Variants in THAP10 observed in about 807,000 individuals in gnomAD.
THAP10 encodes THAP domain containing 10, also known as THAP domain-containing protein 10.
A neutral mutation model predicts 15.7 loss-of-function variants in THAP10; 10 were observed. The observed-to-expected ratio is 0.64, with a 90% CI of 0.39 to 1.08. The LOEUF (loss-of-function observed/expected upper bound fraction) is 1.08. Ranked by LOEUF, THAP10 falls within the 50% of genes least tolerant of loss-of-function variation. The pLI, the probability that THAP10 is intolerant of heterozygous loss-of-function variation, is 0.01. For synonymous variants in THAP10, 127 were observed against 129.1 expected (o/e 0.98, Z 0.11); for missense variants, 310 against 330.9 (o/e 0.94, Z 0.49).
At chr15:70,882,942 A>C (rs951391094) in intron 1 of THAP10, 34 bp from the exon 2 acceptor site, 52 of 1,611,266 alleles carry the variant, frequency 3.2e-5, no homozygotes, top group Non-Finnish European at 4.1e-5. Flanking sequence ...AACATATTAA[A>C]GTGTACCTTA....
rs2033290802 is a variant in THAP10 at position 70,882,589 on chromosome 15, C to T, written c.639G>A (p.Glu213=). ...KRLCNATTQT[E]ELWSRTSSLF... ...GAGAGGAAGTTCTAGACCACAATTC[C>T]TCTGTCTGAGTAGTTGCATTACACA... The change falls in exon 3 of 3, where the codon GAG becomes GAA. Residue 213 remains glutamate (E), a synonymous_variant. Transcript: ENST00000249861. 1.9e-6 allele frequency: 3 copies of T among 1,614,018 alleles called. No homozygotes were observed. The highest frequency in any genetic ancestry group is 2.5e-6 in the Non-Finnish European group (3 of 1,179,938).
In THAP10 at chr15:70,891,121, G is replaced by A. The variant is rs3809561; in HGVS notation, c.429+723C>T. ...GCTATAATTTAATCTGTGTAATGGTGGCAAGGCTGAAGTTTATCACAAGGA... is the reference window on the plus strand; with the variant it reads ...GCTATAATTTAATCTGTGTAATGGTAGCAAGGCTGAAGTTTATCACAAGGA... On this transcript the variant is annotated intron_variant, in intron 1 of 2. Transcript: ENST00000249861. Among the ~76,000 whole-genome samples, 12 of 152,164 alleles carry A rather than the reference G, an allele frequency of 7.9e-5. No individual in the cohort carries two copies. In the East Asian group the frequency reaches 2.3e-3, roughly 29 times the overall value.
rs545726287 is a variant in THAP10 at position 70,891,668 on chromosome 15, C to A, written c.429+176G>T. Among the ~76,000 whole-genome samples, 19 of 148,244 alleles carry A rather than the reference C, an allele frequency of 1.3e-4. 1 individual carries two copies. The South Asian group carries it at 4.1e-3, about 32-fold the overall frequency. On this transcript the variant is annotated intron_variant, in intron 1 of 2. Transcript: ENST00000249861. The stretch of plus-strand genomic sequence containing the variant: ...AAGGAATTAACTGGGTCACTTAATT[C>A]CAAAGTGTTAATGATAAGTGGGACC...
At position 70,886,147 on chromosome 15, in the gene THAP10, C is replaced by T. The variant is rs546442884; in HGVS notation, c.430-3239G>A. ...TACTAAATAATAAAAATACTGCATA[C>T]CTAAAACTTGTAAGATTCAGTAAAG... On this transcript the variant is annotated intron_variant, in intron 1 of 2. Coordinates refer to ENST00000249861, the MANE Select transcript of THAP10 (RefSeq NM_020147.4). Among the ~76,000 whole-genome samples the T allele has an allele frequency of 1.4e-4, 22 of 152,190 alleles. No individual in the cohort carries two copies. The East Asian group carries it at 4.2e-3, about 29-fold the overall frequency.
Position 70,881,702 on chromosome 15 carries a change from CA to C in THAP10, c.*751del, listed in dbSNP as rs1432850323. Reference sequence around the variant, plus strand: ...TGACAGAAAAAATACCTAACACCTGCAATGGGAATACGTTAGAAATGTAGTA... The same window carrying C: ...TGACAGAAAAAATACCTAACACCTGCATGGGAATACGTTAGAAATGTAGTA... On this transcript the variant is annotated 3_prime_UTR_variant, in exon 3 of 3. Transcript: ENST00000249861. 7 of 152,092 alleles carry C rather than the reference CA, an allele frequency of 4.6e-5. No homozygotes were observed. Among genetic ancestry groups the C allele is most frequent in the Non-Finnish European group, 8.8e-5 (6 of 68,010 alleles). The allele number at this position is 152,092 out of a possible 1,614,324, so 9.4% of individuals were successfully genotyped here.
Position 70,882,478 on chromosome 15 carries a change from T to TA in THAP10, c.749dup (p.Gln251ThrfsTer16), listed in dbSNP as rs1166402034. 6.2e-7 allele frequency: 1 copy of TA among 1,613,066 alleles called. No homozygotes were observed. The highest frequency in any genetic ancestry group is 1.7e-5 in the Admixed American group (1 of 59,990). On this transcript the variant is annotated frameshift_variant, in exon 3 of 3. Coordinates refer to ENST00000249861, the MANE Select transcript of THAP10 (RefSeq NM_020147.4). LOFTEE classifies it high-confidence loss of function. ...TTTAACATGTTTCTTCTTTCACCTG[T>TA]ACAGCCATATAAGACAAATCACTCT...
chr15:70,883,263 C>CA (rs201694002), intron 1 of THAP10, among the ~76,000 whole-genome samples: 3,988 of 152,086 alleles, frequency 0.026, 178 homozygotes, highest in African/African-American at 0.091. Context: ...GCCATCTCGG[C>CA]TCACTGCAAT....
Position 70,892,292 on chromosome 15 carries a change from C to T in THAP10, c.-20G>A, listed in dbSNP as rs930415884. On this transcript the variant is annotated 5_prime_UTR_variant, in exon 1 of 3. Coordinates refer to ENST00000249861, the MANE Select transcript of THAP10 (RefSeq NM_020147.4). The stretch of plus-strand genomic sequence containing the variant: ...CGGCATGGCGGCCGTCTTCGGTGCG[C>T]GGGAGCCGGGTTCCCTGGACCTTCG... The T allele has an allele frequency of 6.4e-7, 1 of 1,552,116 alleles. No homozygotes were observed. Among genetic ancestry groups the T allele is most frequent in the Non-Finnish European group, 8.7e-7 (1 of 1,147,574 alleles).
intron 1 of THAP10, among the ~76,000 whole-genome samples, chr15:70,887,381 C>T (rs2033438590): frequency 6.6e-6 from 1 of 152,036 alleles, no homozygotes; most frequent in Non-Finnish European, 1.5e-5. Flanking sequence ...TTTATTTTAG[C>T]TAATATTTTA....
intron 1 of THAP10, among the ~76,000 whole-genome samples, chr15:70,883,993 A>G: frequency 6.6e-6 from 1 of 152,100 alleles, no homozygotes; most frequent in East Asian, 1.9e-4. Context: ...TATGGGTGAG[A>G]GGTAGAAAGA....
rs139121269 is a variant in THAP10, at chr15:70,892,316, C to A, written c.-44G>T. The A allele has an allele frequency of 2.5e-5, 39 of 1,550,156 alleles. No homozygotes were observed. The highest frequency in any genetic ancestry group is 1.2e-4 in the Admixed American group (6 of 51,040). ...GCGGGAGCCGGGTTCCCTGGACCTTCGCCCTTGGGCACGCTCCTCGCAGCG... is the reference window on the plus strand; with the variant it reads ...GCGGGAGCCGGGTTCCCTGGACCTTAGCCCTTGGGCACGCTCCTCGCAGCG... On this transcript the variant is annotated 5_prime_UTR_variant, in exon 1 of 3. Coordinates refer to ENST00000249861, the MANE Select transcript of THAP10 (RefSeq NM_020147.4).
intron 1 of THAP10, among the ~76,000 whole-genome samples, chr15:70,891,349 G>A (rs2033556204): frequency 6.6e-6 from 1 of 152,060 alleles, no homozygotes; most frequent in Non-Finnish European, 1.5e-5. Flanking sequence ...GGTGGGAAGG[G>A]ATTTATTAGC....
chr15:70,889,757 A>C (rs962623879), intron 1 of THAP10, among the ~76,000 whole-genome samples: 1 of 152,200 alleles, frequency 6.6e-6, no homozygotes, highest in South Asian at 2.1e-4. Flanking sequence ...TGTCTACAAT[A>C]GCTCTTCAAT....
rs181381333 is a variant in THAP10 at position 70,881,696 on chromosome 15, C to T, written c.*758G>A. 21 of 152,284 alleles carry T rather than the reference C, an allele frequency of 1.4e-4. No individual in the cohort carries two copies. Among genetic ancestry groups the T allele is most frequent in the African/African-American group, 4.8e-4 (20 of 41,562 alleles). The allele number at this position is 152,284 out of a possible 1,614,324, so 9.4% of individuals were successfully genotyped here. The stretch of plus-strand genomic sequence containing the variant: ...AGGTGTTGACAGAAAAAATACCTAA[C>T]ACCTGCAATGGGAATACGTTAGAAA... On this transcript the variant is annotated 3_prime_UTR_variant, in exon 3 of 3. Transcript: ENST00000249861.
chr15:70,891,610 TGTGTGTGTGA>T (rs1367911934), intron 1 of THAP10, among the ~76,000 whole-genome samples: 1 of 105,242 alleles, frequency 9.5e-6, no homozygotes, highest in East Asian at 3.5e-4. Flanking sequence ...TGTGTGTGTG[TGTGTGTGTGA>T]GTTTTGGGGG....
chr15:70,884,914 T>C (rs138381434), intron 1 of THAP10, among the ~76,000 whole-genome samples: 7 of 152,292 alleles, frequency 4.6e-5, no homozygotes, highest in Non-Finnish European at 1.0e-4. Flanking sequence ...ATGTTGTCTT[T>C]TTATGTGTAT....
chr15:70,885,590 T>C (rs181254295), intron 1 of THAP10, among the ~76,000 whole-genome samples: 3 of 152,334 alleles, frequency 2.0e-5, no homozygotes, highest in Admixed American at 6.5e-5. Flanking sequence ...ACAGATGTAC[T>C]ATGCAAACAC....
chr15:70,885,595 A>C (rs2033385423), intron 1 of THAP10, among the ~76,000 whole-genome samples: 1 of 152,194 alleles, frequency 6.6e-6, no homozygotes. Flanking sequence ...TGTACTATGC[A>C]AACACTAAGT....
At chr15:70,885,567 T>C (rs1156926105) in intron 1 of THAP10, among the ~76,000 whole-genome samples, 3 of 152,126 alleles carry the variant, frequency 2.0e-5, no homozygotes, top group Non-Finnish European at 4.4e-5. Context: ...AGATTGAAAG[T>C]AGAAGGATGG....
Sources: gnomAD v4.1 joint callset for allele counts (sites outside exome capture counted in the v4.1 genomes callset) on GRCh38, gnomAD v4.1.1 for gene constraint, MANE v1.5 for transcripts, NCBI Gene and HGNC (gene_info 2026-07-23, HGNC 2026-07-21) for gene names.